The following LIG1 variants were observed in gnomAD, a reference collection of about 807,000 sequenced individuals.
The protein encoded by LIG1 is DNA ligase 1, also known as ligase I, DNA, ATP-dependent.
A neutral mutation model predicts 115.7 loss-of-function variants in LIG1; 70 were observed. The ratio of observed to expected loss-of-function variants is 0.60; its 90% CI spans 0.50 to 0.74. The LOEUF is 0.74. LIG1 is among the 30% of genes least tolerant of loss of function. The probability of loss-of-function intolerance (pLI) is 0.00; values close to 1 mark genes in which losing one functional copy is unlikely to be tolerated. For missense variants in LIG1, 1,115 were observed against 1,225.6 expected, an observed-to-expected ratio of 0.91 and a Z score of 1.35; for synonymous variants, 487 against 495.3, an observed-to-expected ratio of 0.98 and a Z score of 0.22.
At chr19:48,148,112 C>T (rs1462423782) in intron 9 of LIG1, among the ~76,000 whole-genome samples, 1 of 152,118 alleles carries the variant, frequency 6.6e-6, no homozygotes, top group Non-Finnish European at 1.5e-5. Flanking sequence ...GGAGTTGGGG[C>T]CTGAGGGAAG....
chr19:48,125,294 G>A (rs1413849075), intron 21 of LIG1, among the ~76,000 whole-genome samples: 1 of 152,176 alleles, frequency 6.6e-6, no homozygotes, highest in Non-Finnish European at 1.5e-5. Flanking sequence ...AAAGTATCCA[G>A]TGTTTGGAAA....
rs930309001 is a variant in LIG1 at position 48,121,111 on chromosome 19, C to G, written c.2385+59G>C. On this transcript the variant is annotated intron_variant, in intron 24 of 27. Coordinates refer to ENST00000263274, the MANE Select transcript of LIG1 (RefSeq NM_000234.3). ...GTCTGGGTTGTGCAATAGGAAATAC[C>G]CCCGGGAGTCTAATCTCCTTCCCTC... 3.7e-6 allele frequency: 6 copies of G among 1,613,188 alleles called. No homozygotes were observed. The African/African-American group carries it at 8.0e-5, about 22-fold the overall frequency.
intron 9 of LIG1, among the ~76,000 whole-genome samples, chr19:48,148,408 G>A (rs1317684536): frequency 6.6e-6 from 1 of 151,036 alleles, no homozygotes; most frequent in East Asian, 2.0e-4. Context: ...CTGGGAAGTT[G>A]AAGGTGCAAT....
chr19:48,161,552 G>A lies in LIG1; in HGVS notation c.108-45C>T, dbSNP rs768555668. The A allele has an allele frequency of 1.9e-6, 3 of 1,607,878 alleles. No individual in the cohort carries two copies. The East Asian group carries it at 6.7e-5, about 36-fold the overall frequency. On this transcript the variant is annotated intron_variant, in intron 3 of 27. Coordinates refer to ENST00000263274, the MANE Select transcript of LIG1 (RefSeq NM_000234.3). ...GGGTGTAAAGGGGCGACTACAGCAG[G>A]CAGAGTGGGGGCACTGCCCGCAAAC...
chr19:48,154,116 G>A (rs923293801), intron 5 of LIG1, 149 bp from the exon 6 acceptor site: 20 of 721,214 alleles, frequency 2.8e-5, no homozygotes, highest in Middle Eastern at 6.1e-4. Flanking sequence ...AGTGCAGGCC[G>A]CACCCTTCAA....
intron 18 of LIG1, among the ~76,000 whole-genome samples, chr19:48,132,475 A>G (rs1057273365): frequency 5.3e-5 from 8 of 151,998 alleles, no homozygotes; most frequent in African/African-American, 1.7e-4. Context: ...GTAGCTTCGG[A>G]TAAGCTGGTG....
intron 4 of LIG1, among the ~76,000 whole-genome samples, chr19:48,159,542 G>C (rs1039497838): frequency 6.6e-6 from 1 of 152,176 alleles, no homozygotes; most frequent in Admixed American, 6.5e-5. Context: ...GGGTAATTGA[G>C]GTTGCTAATC....
At chr19:48,154,671 T>C (rs916182519) in intron 5 of LIG1, 1 of 155,730 alleles carries the variant, frequency 6.4e-6, no homozygotes, top group African/African-American at 2.4e-5. Context: ...TACTAACCCA[T>C]GATGAAGAGC....
chr19:48,147,765 C>T (rs1007519303), intron 9 of LIG1, among the ~76,000 whole-genome samples: 5 of 152,038 alleles, frequency 3.3e-5, no homozygotes, highest in African/African-American at 4.8e-5. Context: ...GTAGCTAACA[C>T]GTAATCAGTC....
intron 12 of LIG1, 110 bp downstream of exon 12, chr19:48,139,861 C>G (rs1000157919): frequency 3.8e-6 from 5 of 1,309,926 alleles, no homozygotes; most frequent in Non-Finnish European, 5.5e-6. Flanking sequence ...GCCTTCTCCT[C>G]AACCCTGTTT....
At position 48,170,163 on chromosome 19, in the gene LIG1, T is replaced by C. The variant is rs374070131; in HGVS notation, c.-58+78A>G. 183 of 453,788 alleles carry C rather than the reference T, an allele frequency of 4.0e-4. 1 individual carries two copies. The East Asian group carries it at 8.7e-3, about 22-fold the overall frequency. 28.1% of individuals were successfully genotyped at this position (453,788 alleles called of 1,614,324 possible). A position where few individuals can be genotyped will look rare whatever the true frequency, so the allele number is the denominator to read the frequency against. On this transcript the variant is annotated intron_variant, in intron 1 of 27. Transcript: ENST00000263274. ...CCACTCCTCTGCAGACACCCCGACA[T>C]GGCGAAGCATAGGCCCCAAGCATTC...
intron 22 of LIG1, 36 bp from the exon 23 acceptor site, chr19:48,123,052 C>T (rs1353811386): frequency 6.2e-7 from 1 of 1,612,114 alleles, no homozygotes; most frequent in South Asian, 1.1e-5. Context: ...CTTGGGAAGC[C>T]CTGGCTCACA....
At chr19:48,128,154 A>G (rs1415819316) in intron 19 of LIG1, 134 bp from the exon 20 acceptor site, 12 of 728,368 alleles carry the variant, frequency 1.6e-5, no homozygotes, top group Admixed American at 1.6e-4. Context: ...GTGCACACAG[A>G]TGCTTTTCTT....
chr19:48,125,730 T>C (rs1240794434), intron 21 of LIG1, among the ~76,000 whole-genome samples: 1 of 152,194 alleles, frequency 6.6e-6, no homozygotes, highest in Non-Finnish European at 1.5e-5. Context: ...GGCTCACGCC[T>C]GTAAATCCCA....
chr19:48,143,420 C>A (rs142969578), intron 11 of LIG1, 123 bp downstream of exon 11: 14 of 896,894 alleles, frequency 1.6e-5, no homozygotes, highest in Middle Eastern at 3.1e-4. Context: ...CATGATCATA[C>A]GCCCGAGCGG....
At chr19:48,128,957 A>G (rs1599761692) in intron 19 of LIG1, among the ~76,000 whole-genome samples, 2 of 151,944 alleles carry the variant, frequency 1.3e-5, no homozygotes, top group Admixed American at 1.3e-4. Context: ...AAACGGTTTC[A>G]CCATGTTGGC....
chr19:48,125,807 G>T (rs1243771372), intron 21 of LIG1, among the ~76,000 whole-genome samples: 2 of 151,454 alleles, frequency 1.3e-5, no homozygotes, highest in Non-Finnish European at 2.9e-5. Flanking sequence ...GGCCAACATG[G>T]TGAAACACCG....
chr19:48,159,920 T>C (rs1032695793), intron 4 of LIG1, among the ~76,000 whole-genome samples: 1 of 152,088 alleles, frequency 6.6e-6, no homozygotes, highest in Non-Finnish European at 1.5e-5. Context: ...GGTTTCACCA[T>C]GTTAGCCAGG....
At chr19:48,142,960 T>C (rs1016585713) in intron 11 of LIG1, among the ~76,000 whole-genome samples, 5 of 152,016 alleles carry the variant, frequency 3.3e-5, no homozygotes, top group Admixed American at 3.3e-4. Flanking sequence ...AATATTTATA[T>C]AAACTAAATA....
Sources: allele counts gnomAD v4.1 joint callset (sites outside exome capture counted in the v4.1 genomes callset), GRCh38; gene constraint gnomAD v4.1.1; transcripts MANE v1.5; gene names NCBI Gene and HGNC (gene_info 2026-07-23, HGNC 2026-07-21).